The following FAT3 variants were observed in gnomAD, a reference collection of about 807,000 sequenced individuals.
FAT3 encodes protocadherin Fat 3.
Under a neutral mutation model 310.2 loss-of-function variants are expected in FAT3, and 95 were observed. The observed-to-expected ratio is 0.31, with a 90% CI of 0.26 to 0.36. The LOEUF (loss-of-function observed/expected upper bound fraction) is 0.36, where lower values mean the gene tolerates loss of function less well. Ranked by LOEUF, FAT3 falls within the 10% of genes least tolerant of loss-of-function variation. FAT3 has a pLI of 1.00. For missense variants in FAT3, 5,408 were observed against 5,715.6 expected, an observed-to-expected ratio of 0.95 and a Z score of 1.74; for synonymous variants, 2,314 against 2,192.9, an observed-to-expected ratio of 1.06 and a Z score of -1.54.
intron 7 of FAT3, among the ~76,000 whole-genome samples, chr11:92,782,187 G>C (rs1565589529): frequency 6.6e-6 from 1 of 151,980 alleles, no homozygotes. Flanking sequence ...GCCAGATGTG[G>C]TGGTCACGTG....
intron 3 of FAT3, among the ~76,000 whole-genome samples, chr11:92,580,105 T>C (rs891727807): frequency 6.6e-6 from 1 of 152,088 alleles, no homozygotes; most frequent in Non-Finnish European, 1.5e-5. Context: ...TTTGTTAAAT[T>C]AGCATGAAAA....
At chr11:92,452,498 C>T (rs1212544127) in intron 2 of FAT3, among the ~76,000 whole-genome samples, 1 of 151,966 alleles carries the variant, frequency 6.6e-6, no homozygotes, top group Non-Finnish European at 1.5e-5. Context: ...AGGGGTTGAG[C>T]AATAACTTAA....
chr11:92,467,393 TCTC>T (rs1157229727), intron 2 of FAT3, among the ~76,000 whole-genome samples: 2 of 152,176 alleles, frequency 1.3e-5, no homozygotes, highest in African/African-American at 4.8e-5. Context: ...ATTTAGTAAT[TCTC>T]CTCTTTTGTG....
At chr11:92,481,525 G>C (rs1256874912) in intron 2 of FAT3, among the ~76,000 whole-genome samples, 1 of 152,138 alleles carries the variant, frequency 6.6e-6, no homozygotes, top group Non-Finnish European at 1.5e-5. Context: ...ATTGAAGGTG[G>C]ATTTGGATTT....
At chr11:92,669,896 T>A (rs948402076) in intron 3 of FAT3, among the ~76,000 whole-genome samples, 1 of 152,212 alleles carries the variant, frequency 6.6e-6, no homozygotes, top group Non-Finnish European at 1.5e-5. Context: ...CTGTTACTAC[T>A]ATTATTCAAA....
chr11:92,329,094 CTT>C (rs578134941), intron 1 of FAT3, among the ~76,000 whole-genome samples: 1 of 147,908 alleles, frequency 6.8e-6, no homozygotes, highest in Admixed American at 6.7e-5. Flanking sequence ...ATCATCCAGA[CTT>C]TTTTTTTTTC....
chr11:92,475,389 A>G (rs183690436), intron 2 of FAT3, among the ~76,000 whole-genome samples: 194 of 152,162 alleles, frequency 1.3e-3, no homozygotes, highest in African/African-American at 4.5e-3. Context: ...CTGATGAACA[A>G]TAGATGTGGA....
intron 2 of FAT3, among the ~76,000 whole-genome samples, chr11:92,522,566 C>G (rs1003002161): frequency 6.6e-6 from 1 of 152,136 alleles, no homozygotes; most frequent in African/African-American, 2.4e-5. Flanking sequence ...CTACTAGACT[C>G]TCTAACAATA....
chr11:92,781,576 C>A (rs953926360), intron 7 of FAT3, among the ~76,000 whole-genome samples: 2 of 152,058 alleles, frequency 1.3e-5, no homozygotes, highest in Non-Finnish European at 2.9e-5. Flanking sequence ...ATGAAATACA[C>A]AATTTAACTC....
Position 92,859,227 on chromosome 11 carries a change from AAAG to A in FAT3, c.11568_11570del (p.Glu3857del), listed in dbSNP as rs1565656274. 1 of 1,613,922 alleles carries A rather than the reference AAAG, an allele frequency of 6.2e-7. No homozygotes were observed. Among genetic ancestry groups the A allele is most frequent in the Admixed American group, 1.7e-5 (1 of 60,026 alleles). ...CAAATATCGGCTTTCTGAAAATAGC[AAAG>A]AAGAGGATTTCAAACTAGCTCTGCG... On this transcript the variant is annotated inframe_deletion, in exon 21 of 28. Transcript: ENST00000525166.
At chr11:92,873,405 C>G (rs987052948) in intron 22 of FAT3, among the ~76,000 whole-genome samples, 3 of 152,190 alleles carry the variant, frequency 2.0e-5, no homozygotes, top group Non-Finnish European at 4.4e-5. Flanking sequence ...GCTACTTACA[C>G]ATTTGTCATT....
In FAT3 at chr11:92,799,084, A is replaced by C. The variant is rs1245178950; in HGVS notation, c.6071A>C (p.Asn2024Thr). 6.2e-7 allele frequency: 1 copy of C among 1,613,994 alleles called. No individual in the cohort carries two copies. The highest frequency in any genetic ancestry group is 8.5e-7 in the Non-Finnish European group (1 of 1,179,878). Residue 2024 changes from asparagine to threonine, a missense_variant, in exon 10 of 28, where the codon AAT (asparagine) becomes ACT (threonine). Around this residue, in one of 5 missense-constraint regions of FAT3, gnomAD observed 4,588 missense variants for 4,809.8 expected, o/e 0.95. Transcript: ENST00000525166. The part of the protein sequence containing the change: ...PLKYSILNPG[N>T]KFKIKSTSGV... Reference sequence around the variant, plus strand: ...AAATACAGCATCTTAAACCCAGGAAATAAGTTCAAGATAAAATCTACCTCA... The same window carrying C: ...AAATACAGCATCTTAAACCCAGGAACTAAGTTCAAGATAAAATCTACCTCA...
intron 1 of FAT3, among the ~76,000 whole-genome samples, chr11:92,240,643 A>G (rs906683470): frequency 6.6e-6 from 1 of 151,748 alleles, no homozygotes; most frequent in African/African-American, 2.4e-5. Flanking sequence ...AATGTAGACA[A>G]CAGCCTATAC....
At chr11:92,553,731 GTTTC>G (rs1260525970) in intron 3 of FAT3, among the ~76,000 whole-genome samples, 199 of 75,062 alleles carry the variant, frequency 2.7e-3, no homozygotes, top group Non-Finnish European at 5.0e-3. Flanking sequence ...CTTTTTCGTT[GTTTC>G]TTTCTTTCTC....
chr11:92,311,419 C>G (rs1565217984), intron 1 of FAT3, among the ~76,000 whole-genome samples: 2 of 152,100 alleles, frequency 1.3e-5, no homozygotes, highest in Non-Finnish European at 2.9e-5. Context: ...CAGTCTATCT[C>G]TATTTATCAC....
intron 22 of FAT3, among the ~76,000 whole-genome samples, chr11:92,869,685 C>G (rs1478251471): frequency 3.9e-5 from 6 of 152,106 alleles, no homozygotes; most frequent in Non-Finnish European, 7.4e-5. Context: ...AAGAAAGAAT[C>G]AAAATTTGGC....
intron 1 of FAT3, among the ~76,000 whole-genome samples, chr11:92,327,367 TGAG>T (rs1947794296): frequency 3.3e-5 from 5 of 151,998 alleles, no homozygotes; most frequent in Admixed American, 3.3e-4. Flanking sequence ...ACTAGGACAA[TGAG>T]GAGTTTCTTG....
chr11:92,383,693 G>A (rs1017789323), intron 2 of FAT3, among the ~76,000 whole-genome samples: 4 of 152,126 alleles, frequency 2.6e-5, no homozygotes, highest in Non-Finnish European at 4.4e-5. Flanking sequence ...TTGTCATTTG[G>A]CCCACATTTT....
At chr11:92,355,736 A>G (rs777686164) in intron 2 of FAT3, among the ~76,000 whole-genome samples, 7 of 152,176 alleles carry the variant, frequency 4.6e-5, no homozygotes, top group Non-Finnish European at 5.9e-5. Flanking sequence ...TAAATGAAGG[A>G]CTCTGATAAA....
Sources: allele counts gnomAD v4.1 joint callset (sites outside exome capture counted in the v4.1 genomes callset), GRCh38; gene constraint gnomAD v4.1.1; regional missense constraint gnomAD v4.1.1; transcripts MANE v1.5; gene names NCBI Gene and HGNC (gene_info 2026-07-23, HGNC 2026-07-21).